The following ATP2A3 variants were observed in gnomAD, a reference collection of about 807,000 sequenced individuals.
ATP2A3 encodes the protein ATPase sarcoplasmic/endoplasmic reticulum Ca2+ transporting 3, also known as sarcoplasmic/endoplasmic reticulum calcium ATPase 3.
In ATP2A3, 61 loss-of-function variants were observed where a neutral mutation model predicts 106.8. That is an observed-to-expected ratio of 0.57 (90% CI 0.46 to 0.71). The LOEUF (loss-of-function observed/expected upper bound fraction) is 0.71, where lower values mean the gene tolerates loss of function less well. Among genes scored for constraint, ATP2A3 ranks in the 30% least tolerant of loss-of-function variants. The pLI is 0.00. For synonymous variants in ATP2A3, 611 were observed against 609.3 expected (o/e 1.00, Z -0.04); for missense variants, 1,201 against 1,423.5 (o/e 0.84, Z 2.52).
intron 14 of ATP2A3, among the ~76,000 whole-genome samples, chr17:3,939,473 C>G (rs1219824741): frequency 6.6e-6 from 1 of 152,004 alleles, no homozygotes; most frequent in Non-Finnish European, 1.5e-5. Context: ...AATATTCACA[C>G]AGTGGAATGC....
rs757106127 is a variant in ATP2A3 at position 3,960,271 on chromosome 17, G to A, written c.118+3903C>T. On this transcript the variant is annotated intron_variant, in intron 1 of 20. Coordinates refer to ENST00000397041, the MANE Select transcript of ATP2A3 (RefSeq NM_005173.4). The stretch of plus-strand genomic sequence containing the variant: ...CGTGGGCTACGCATATGGGTTGCCC[G>A]AGTTTCAGCACCAGCTATGGCCTGG... 3.3e-5 allele frequency among the ~76,000 whole-genome samples: 5 copies of A among 152,346 alleles called. No homozygotes were observed. In the South Asian group the frequency reaches 8.3e-4, roughly 25 times the overall value.
intron 14 of ATP2A3, among the ~76,000 whole-genome samples, chr17:3,939,925 C>T (rs1240814157): frequency 6.9e-6 from 1 of 145,220 alleles, no homozygotes; most frequent in Admixed American, 6.9e-5. Flanking sequence ...AACTCATATA[C>T]GGTGAAAAAA....
intron 1 of ATP2A3, among the ~76,000 whole-genome samples, chr17:3,959,084 G>A (rs566642909): frequency 3.0e-4 from 45 of 151,828 alleles, no homozygotes; most frequent in African/African-American, 9.7e-4. Context: ...TTTTAGTAAA[G>A]ATGAGGTTTC....
At chr17:3,939,917 C>T (rs1459395924) in intron 14 of ATP2A3, among the ~76,000 whole-genome samples, 2 of 146,362 alleles carry the variant, frequency 1.4e-5, no homozygotes, top group Non-Finnish European at 3.0e-5. Flanking sequence ...GCAGATAAAA[C>T]TCATATACGG....
chr17:3,942,598 G>T lies in ATP2A3; in HGVS notation c.1545+8C>A, dbSNP rs926628182. The T allele has an allele frequency of 6.2e-7, 1 of 1,609,152 alleles. No individual in the cohort carries two copies. The highest frequency in any genetic ancestry group is 2.2e-5 in the East Asian group (1 of 44,840). ...GCAGGGGCCCAGGCCAGCCAGGCAG[G>T]CCCCCACCTTCACAAACATCTTGCT... On this transcript the variant is annotated splice_region_variant and intron_variant, in intron 12 of 20. Coordinates refer to ENST00000397041, the MANE Select transcript of ATP2A3 (RefSeq NM_005173.4).
In ATP2A3 at chr17:3,924,639, C is replaced by T. The variant is rs1000646616; in HGVS notation, c.*783G>A. 6 of 364,670 alleles carry T rather than the reference C, an allele frequency of 1.6e-5. No homozygotes were observed. Among genetic ancestry groups the T allele is most frequent in the East Asian group, 9.8e-5 (1 of 10,222 alleles). The allele number at this position is 364,670 out of a possible 1,614,324, so 22.6% of individuals were successfully genotyped here. On this transcript the variant is annotated 3_prime_UTR_variant, in exon 21 of 21. Coordinates refer to ENST00000397041, the MANE Select transcript of ATP2A3 (RefSeq NM_005173.4). This position sits in a 1 kb window ranked among gnomAD's most constrained non-coding sequence, Gnocchi z 6.4. Reference sequence around the variant, plus strand: ...GACCGGGCGGCAGTGTGACTCTGAACATCTCCCGAGCTCAGGACGGGGAAC... The same window carrying T: ...GACCGGGCGGCAGTGTGACTCTGAATATCTCCCGAGCTCAGGACGGGGAAC...
rs73971769 is a variant in ATP2A3, at chr17:3,951,778, T to A, written c.220-93A>T. 656 of 1,259,338 alleles carry A rather than the reference T, an allele frequency of 5.2e-4. 1 individual carries two copies. The African/African-American group carries it at 8.6e-3, about 17-fold the overall frequency. 78.0% of individuals were successfully genotyped at this position (1,259,338 alleles called of 1,614,324 possible). ...ACCCCGGATCTCCTGCTTGCTTCCCTGCTTTGGGGAGATAGCACTGGGGAG... is the reference window on the plus strand; with the variant it reads ...ACCCCGGATCTCCTGCTTGCTTCCCAGCTTTGGGGAGATAGCACTGGGGAG... On this transcript the variant is annotated intron_variant, in intron 3 of 20. Coordinates refer to ENST00000397041, the MANE Select transcript of ATP2A3 (RefSeq NM_005173.4).
Position 3,936,335 on chromosome 17 carries a change from T to C in ATP2A3, c.2456A>G (p.Lys819Arg). Residue 819 changes from lysine to arginine, a missense_variant, in exon 16 of 21, where the codon AAG becomes AGG. This residue lies in a region of ATP2A3 where 935 missense variants were observed against 1,176.7 expected (regional missense o/e 0.79). Coordinates refer to ENST00000397041, the MANE Select transcript of ATP2A3 (RefSeq NM_005173.4). The surrounding 1 kb of genome is among the most constrained non-coding windows in gnomAD (Gnocchi z 5.4). ...GGCTTCTCGGGGGCTCCGGGGCAGC[T>C]TCTCCATGATGTCCAGGTCTGGCGG... Reference protein sequence around the residue: ...FNPPDLDIMEKLPRSPREALI... With the variant: ...FNPPDLDIMERLPRSPREALI... 1 of 1,613,984 alleles carries C rather than the reference T, an allele frequency of 6.2e-7. No individual in the cohort carries two copies. The highest frequency in any genetic ancestry group is 1.7e-5 in the Admixed American group (1 of 59,994).
intron 7 of ATP2A3, among the ~76,000 whole-genome samples, chr17:3,949,879 G>T (rs2054316924): frequency 6.6e-6 from 1 of 152,058 alleles, no homozygotes; most frequent in Admixed American, 6.6e-5. Flanking sequence ...CCTTAATGTT[G>T]GGCCAGGTGC....
At position 3,951,609 on chromosome 17, in the gene ATP2A3, A is replaced by G. The variant is rs2054448313; in HGVS notation, c.296T>C (p.Val99Ala). Residue 99 changes from valine (V) to alanine (A), a missense_variant, in exon 4 of 21, where the codon GTG becomes GCG. By Grantham distance (64) the Val-to-Ala change is moderately conservative. Around this residue, in one of 2 missense-constraint regions of ATP2A3, gnomAD observed 266 missense variants for 246.8 expected, o/e 1.08. Transcript: ENST00000397041. ...CCACACGCCCACAATGGCGTTGGCC[A>G]CGAGGATCAGCATGATGACCAGGGG... ...VEPLVIMLIL[V>A]ANAIVGVWQE... The G allele has an allele frequency of 7.1e-7, 1 of 1,414,164 alleles. No individual in the cohort carries two copies. The highest frequency in any genetic ancestry group is 1.6e-5 in the African/African-American group (1 of 64,502). 87.6% of individuals were successfully genotyped at this position (1,414,164 alleles called of 1,614,324 possible).
intron 12 of ATP2A3, 145 bp downstream of exon 12, chr17:3,942,461 C>T (rs746385646): frequency 7.9e-7 from 1 of 1,265,472 alleles, no homozygotes; most frequent in African/African-American, 1.5e-5. Context: ...CACCCCTACA[C>T]CACCGGTTAG....
At chr17:3,952,549 A>G (rs560299945) in intron 3 of ATP2A3, among the ~76,000 whole-genome samples, 2 of 152,248 alleles carry the variant, frequency 1.3e-5, no homozygotes, top group South Asian at 4.1e-4. Context: ...GCACTCAGCC[A>G]GGGACAAGGT....
In ATP2A3 at chr17:3,951,405, C is replaced by A. The variant is rs754051689; in HGVS notation, c.325-16G>T. 8 of 1,613,468 alleles carry A rather than the reference C, an allele frequency of 5.0e-6. No individual in the cohort carries two copies. Among genetic ancestry groups the A allele is most frequent in the African/African-American group, 1.3e-5 (1 of 75,038 alleles). Reference sequence around the variant, plus strand: ...CGTTGCGTTCCTGCAGAATAGAAGGCCGGCAGGCAGTCTGTCCCTGCTGCC... The same window carrying A: ...CGTTGCGTTCCTGCAGAATAGAAGGACGGCAGGCAGTCTGTCCCTGCTGCC... On this transcript the variant is annotated splice_polypyrimidine_tract_variant and intron_variant, in intron 4 of 20. Coordinates refer to ENST00000397041, the MANE Select transcript of ATP2A3 (RefSeq NM_005173.4).
chr17:3,936,554 G>A lies in ATP2A3; in HGVS notation c.2322-85C>T, dbSNP rs1567688252. 6.9e-6 allele frequency: 10 copies of A among 1,451,860 alleles called. No individual in the cohort carries two copies. The South Asian group carries it at 8.0e-5, about 12-fold the overall frequency. The allele number at this position is 1,451,860 out of a possible 1,614,324, so 89.9% of individuals were successfully genotyped here. On this transcript the variant is annotated intron_variant, in intron 15 of 20. Transcript: ENST00000397041. This position sits in a 1 kb window ranked among gnomAD's most constrained non-coding sequence, Gnocchi z 5.4. Reference sequence around the variant, plus strand: ...CAGCTCCTGCTCAGACCCAAGGCTGGGAGCTCACCCACCCACTGTCTCCAC... The same window carrying A: ...CAGCTCCTGCTCAGACCCAAGGCTGAGAGCTCACCCACCCACTGTCTCCAC...
chr17:3,940,031 CT>C lies in ATP2A3; in HGVS notation c.2100+939del, dbSNP rs1174008086. ...ATGGGTTGATGGTAATGTGTCATAT[CT>C]TTTTTTTTTTGTTTTTTGTTTTTTT... On this transcript the variant is annotated intron_variant, in intron 14 of 20. Transcript: ENST00000397041. Among the ~76,000 whole-genome samples the C allele has an allele frequency of 8.6e-3, 828 of 96,446 alleles. 16 individuals carry two copies. The highest frequency in any genetic ancestry group is 0.036 in the African/African-American group (769 of 21,126). The allele number at this position is 96,446 out of a possible 152,430, so 63.3% of individuals were successfully genotyped here. A position where few individuals can be genotyped will look rare whatever the true frequency, so the allele number is the denominator to read the frequency against.
At chr17:3,959,355 C>T (rs1158052405) in intron 1 of ATP2A3, among the ~76,000 whole-genome samples, 1 of 152,198 alleles carries the variant, frequency 6.6e-6, no homozygotes, top group Admixed American at 6.5e-5. Flanking sequence ...TAGGGTCCCC[C>T]CACCACACTG....
At position 3,925,047 on chromosome 17, in the gene ATP2A3, C is replaced by T. The variant is rs2052628907; in HGVS notation, c.*375G>A. 4.4e-6 allele frequency: 2 copies of T among 449,478 alleles called. No homozygotes were observed. The highest frequency in any genetic ancestry group is 2.1e-5 in the South Asian group (1 of 48,058). 27.8% of individuals were successfully genotyped at this position (449,478 alleles called of 1,614,324 possible). A position where few individuals can be genotyped will look rare whatever the true frequency, so the allele number is the denominator to read the frequency against. ...ACCAAGTGAACGTCCAGCTTCCGAA[C>T]AAGGGGGAGCAAGCTCCAGCTGCAC... On this transcript the variant is annotated 3_prime_UTR_variant, in exon 21 of 21. Transcript: ENST00000397041. The surrounding 1 kb of genome is among the most constrained non-coding windows in gnomAD (Gnocchi z 4.2).
intron 10 of ATP2A3, 54 bp from the exon 11 acceptor site, chr17:3,943,576 T>TC: frequency 6.2e-7 from 1 of 1,609,926 alleles, no homozygotes; most frequent in South Asian, 1.1e-5. Context: ...CCAGCCCGCA[T>TC]CCCCAGCCTC....
chr17:3,949,697 A>T (rs1215377902), intron 7 of ATP2A3, among the ~76,000 whole-genome samples: 1 of 152,236 alleles, frequency 6.6e-6, no homozygotes, highest in African/African-American at 2.4e-5. Flanking sequence ...TAACAAGAGT[A>T]CTTATTTCAA....
Sources: allele counts gnomAD v4.1 joint callset (sites outside exome capture counted in the v4.1 genomes callset), GRCh38; gene constraint gnomAD v4.1.1; regional missense constraint gnomAD v4.1.1; non-coding constraint Gnocchi (gnomAD v3.1); transcripts MANE v1.5; gene names NCBI Gene and HGNC (gene_info 2026-07-23, HGNC 2026-07-21).